Variants in MGAT4C observed in about 807,000 individuals in gnomAD.
MGAT4C encodes the protein MGAT4 family member C, also known as alpha-1,3-mannosyl-glycoprotein 4-beta-N-acetylglucosaminyltransferase C.
In MGAT4C, 19 loss-of-function variants were observed where a neutral mutation model predicts 40.1. That is an observed-to-expected ratio of 0.47 (90% CI 0.33 to 0.70). MGAT4C has a LOEUF of 0.70. MGAT4C is among the 30% of genes least tolerant of loss of function. The pLI is 0.02. For missense variants in MGAT4C, 491 were observed against 563.2 expected, an observed-to-expected ratio of 0.87 and a Z score of 1.30; for synonymous variants, 181 against 187.1, an observed-to-expected ratio of 0.97 and a Z score of 0.27.
In MGAT4C at chr12:85,958,023, T is replaced by G. The variant is rs1486987331; in HGVS notation, c.*21266A>C. On this transcript the variant is annotated 3_prime_UTR_variant, in exon 5 of 5. Coordinates refer to ENST00000611864, the MANE Select transcript of MGAT4C (RefSeq NM_001351288.2). ...AATACAAGACTGAATTGTTTACAGT[T>G]TTTCTAAGTGTTTTTGTGTGTGTGT... 1 of 136,696 alleles carries G rather than the reference T, an allele frequency of 7.3e-6. No homozygotes were observed. Among genetic ancestry groups the G allele is most frequent in the Non-Finnish European group, 1.6e-5 (1 of 60,618 alleles). 8.5% of individuals were successfully genotyped at this position (136,696 alleles called of 1,614,324 possible). A position where few individuals can be genotyped will look rare whatever the true frequency, so the allele number is the denominator to read the frequency against.
chr12:86,381,948 T>C (rs1328603892), intron 3 of MGAT4C, among the ~76,000 whole-genome samples: 2 of 152,190 alleles, frequency 1.3e-5, no homozygotes, highest in Non-Finnish European at 2.9e-5. Flanking sequence ...CCTTCTGCCA[T>C]GGTTGTGAGG....
chr12:86,663,464 G>A (rs1964029830), intron 2 of MGAT4C, among the ~76,000 whole-genome samples: 1 of 151,846 alleles, frequency 6.6e-6, no homozygotes, highest in African/African-American at 2.4e-5. Flanking sequence ...AAACATGACA[G>A]TGCCAGAGTA....
chr12:86,187,248 C>A (rs1456879522), intron 1 of MGAT4C, among the ~76,000 whole-genome samples: 1 of 151,980 alleles, frequency 6.6e-6, no homozygotes, highest in Non-Finnish European at 1.5e-5. Flanking sequence ...TCTAATATTT[C>A]TCTATTTTAA....
chr12:86,786,336 A>T (rs1951930927), intron 1 of MGAT4C, among the ~76,000 whole-genome samples: 2 of 152,072 alleles, frequency 1.3e-5, no homozygotes, highest in South Asian at 2.1e-4. Flanking sequence ...CAAATGGTTG[A>T]ATCTGTAGGT....
intron 2 of MGAT4C, among the ~76,000 whole-genome samples, chr12:86,571,605 CTGTG>C (rs747593159): frequency 1.9e-4 from 29 of 151,870 alleles, no homozygotes; most frequent in Middle Eastern, 3.4e-3. Context: ...GCGTGAGTGT[CTGTG>C]TGTGTGTATG....
chr12:86,519,994 C>A (rs1042191863), intron 2 of MGAT4C, among the ~76,000 whole-genome samples: 1 of 151,972 alleles, frequency 6.6e-6, no homozygotes, highest in African/African-American at 2.4e-5. Context: ...CTGGGATTTT[C>A]CCCCAATGTT....
rs555915669 is a variant in MGAT4C, at chr12:86,621,693, C to T, written c.-229+105516G>A. 7.9e-5 allele frequency among the ~76,000 whole-genome samples: 12 copies of T among 152,156 alleles called. No homozygotes were observed. The South Asian group carries it at 2.1e-3, about 26-fold the overall frequency. On this transcript the variant is annotated intron_variant, in intron 2 of 7. Transcript: ENST00000548651. ...AGGTCTCACTATGTTGTCCAGGCTG[C>T]TCTTGAACTCCTGGGCTCAAGTGAT...
At chr12:86,024,233 T>C (rs1044755604) in intron 2 of MGAT4C, among the ~76,000 whole-genome samples, 1 of 151,896 alleles carries the variant, frequency 6.6e-6, no homozygotes, top group African/African-American at 2.4e-5. Context: ...TAAACTGGAA[T>C]ACAGAATAGA....
At position 86,518,635 on chromosome 12, in the gene MGAT4C, A is replaced by C. The variant is rs1176692596; in HGVS notation, c.-228-83370T>G. 2.6e-5 allele frequency among the ~76,000 whole-genome samples: 4 copies of C among 152,370 alleles called. No individual in the cohort carries two copies. In the South Asian group the frequency reaches 8.3e-4, roughly 32 times the overall value. ...TGGCAAACAGTTTGGGAGCTTTTAG[A>C]AAGTTTAACATATGCTTATAGTATG... On this transcript the variant is annotated intron_variant, in intron 2 of 7. Coordinates refer to the MGAT4C transcript ENST00000548651.
At chr12:86,547,251 TTTC>T (rs746806445) in intron 2 of MGAT4C, among the ~76,000 whole-genome samples, 4 of 152,022 alleles carry the variant, frequency 2.6e-5, no homozygotes, top group Non-Finnish European at 5.9e-5. Flanking sequence ...GAAGCTTGTT[TTTC>T]TTCTTCTTCC....
intron 1 of MGAT4C, among the ~76,000 whole-genome samples, chr12:86,064,189 TAACA>T (rs1442480864): frequency 6.6e-6 from 1 of 152,134 alleles, no homozygotes; most frequent in Non-Finnish European, 1.5e-5. Context: ...ATGGAAATCA[TAACA>T]AACAGTCTCT....
intron 1 of MGAT4C, among the ~76,000 whole-genome samples, chr12:86,823,161 C>T (rs963458999): frequency 1.3e-5 from 2 of 150,106 alleles, no homozygotes; most frequent in African/African-American, 4.9e-5. Context: ...TAAATACCTG[C>T]ATTAAAAAAA....
rs1340433662 is a variant in MGAT4C at position 85,967,559 on chromosome 12, C to A, written c.*11730G>T. ...CATATAAGTCCAAGATGAAACTGAT[C>A]TCAAATTATTATTTTGAGGTGTATC... On this transcript the variant is annotated 3_prime_UTR_variant, in exon 5 of 5. Transcript: ENST00000611864. 1 of 151,978 alleles carries A rather than the reference C, an allele frequency of 6.6e-6. No individual in the cohort carries two copies. Among genetic ancestry groups the A allele is most frequent in the Non-Finnish European group, 1.5e-5 (1 of 67,970 alleles). The allele number at this position is 151,978 out of a possible 1,614,324, so 9.4% of individuals were successfully genotyped here. A position where few individuals can be genotyped will look rare whatever the true frequency, so the allele number is the denominator to read the frequency against.
At chr12:86,083,420 A>G (rs760455769) in intron 1 of MGAT4C, among the ~76,000 whole-genome samples, 1 of 152,050 alleles carries the variant, frequency 6.6e-6, no homozygotes, top group Admixed American at 6.6e-5. Context: ...TCAGGATAAG[A>G]TTCAGTTTTA....
Position 85,989,419 on chromosome 12 carries a change from A to G in MGAT4C, c.128T>C (p.Ile43Thr), listed in dbSNP as rs200641508. The change falls in exon 3 of 5, where the codon ATT becomes ACT. Residue 43 changes from isoleucine to threonine, a missense_variant. Physicochemically the swap from Ile to Thr is moderately conservative, Grantham distance 89 (BLOSUM62 -1). Coordinates refer to ENST00000611864, the MANE Select transcript of MGAT4C (RefSeq NM_001351288.2). ...ACTTACCAGAACATAGCTATCTTCA[A>G]TGTACAAGTTCATAAAAAGGAGAAA... is the stretch of plus-strand genomic sequence containing the variant. Reference protein sequence around the residue: ...VIFLLFMNLYIEDSYVLEGDK... With the variant: ...VIFLLFMNLYTEDSYVLEGDK... The G allele has an allele frequency of 3.6e-4, 582 of 1,604,124 alleles. No individual in the cohort carries two copies. Among genetic ancestry groups the G allele is most frequent in the Non-Finnish European group, 4.8e-4 (559 of 1,175,976 alleles).
At chr12:85,999,089 C>T (rs895890628) in intron 2 of MGAT4C, among the ~76,000 whole-genome samples, 1 of 152,048 alleles carries the variant, frequency 6.6e-6, no homozygotes, top group African/African-American at 2.4e-5. Flanking sequence ...ACATGGATGG[C>T]AACAGGCAAA....
intron 2 of MGAT4C, among the ~76,000 whole-genome samples, chr12:86,715,749 G>A (rs1470272305): frequency 6.6e-6 from 1 of 152,102 alleles, no homozygotes; most frequent in Non-Finnish European, 1.5e-5. Flanking sequence ...GCTTTAGCTA[G>A]ACTTATTTGA....
intron 1 of MGAT4C, among the ~76,000 whole-genome samples, chr12:86,820,032 T>C (rs1289956384): frequency 6.6e-6 from 1 of 150,856 alleles, no homozygotes; most frequent in Non-Finnish European, 1.5e-5. Flanking sequence ...TCTGAGGAAA[T>C]ATATTTTATT....
chr12:86,287,283 T>G (rs536588559), intron 4 of MGAT4C, among the ~76,000 whole-genome samples: 43 of 152,196 alleles, frequency 2.8e-4, no homozygotes, highest in Non-Finnish European at 5.1e-4. Flanking sequence ...CGTTTAATAA[T>G]AGTCATTCTG....
Sources: allele counts gnomAD v4.1 joint callset (sites outside exome capture counted in the v4.1 genomes callset), GRCh38; gene constraint gnomAD v4.1.1; transcripts MANE v1.5; gene names NCBI Gene and HGNC (gene_info 2026-07-23, HGNC 2026-07-21).